ITGA8: variants seen among roughly 807,000 people sequenced by gnomAD.
ITGA8 encodes the protein integrin alpha-8.
In ITGA8, 91 loss-of-function variants were observed where a neutral mutation model predicts 142.3. The observed-to-expected ratio is 0.64, with a 90% CI of 0.54 to 0.76. The LOEUF (loss-of-function observed/expected upper bound fraction) is 0.76, where lower values mean the gene tolerates loss of function less well. Ranked by LOEUF, ITGA8 falls within the 30% of genes least tolerant of loss-of-function variation. The probability of loss-of-function intolerance (pLI) is 0.00; values close to 1 mark genes in which losing one functional copy is unlikely to be tolerated. For synonymous variants in ITGA8, 505 were observed against 485.2 expected (o/e 1.04, Z -0.54); for missense variants, 1,406 against 1,327.7 (o/e 1.06, Z -0.92).
intron 26 of ITGA8, among the ~76,000 whole-genome samples, chr10:15,550,138 G>C (rs911413514): frequency 2.3e-4 from 35 of 152,108 alleles, no homozygotes; most frequent in African/African-American, 7.7e-4. Flanking sequence ...CTTTATAAGG[G>C]GTTTCCTCTT....
intron 3 of ITGA8, among the ~76,000 whole-genome samples, chr10:15,686,824 T>A (rs917183862): frequency 6.6e-6 from 1 of 152,198 alleles, no homozygotes; most frequent in Non-Finnish European, 1.5e-5. Flanking sequence ...ACACGGTGTA[T>A]TATTGTAGTT....
At chr10:15,583,785 T>C (rs1834460305) in intron 23 of ITGA8, among the ~76,000 whole-genome samples, 1 of 152,176 alleles carries the variant, frequency 6.6e-6, no homozygotes. Flanking sequence ...GTTCTTTTGA[T>C]GTCATAACTT....
intron 12 of ITGA8, among the ~76,000 whole-genome samples, chr10:15,644,717 A>T (rs55874753): frequency 5.0e-4 from 76 of 151,504 alleles, no homozygotes; most frequent in African/African-American, 1.8e-3. Context: ...TAAAGGGCTT[A>T]TAATGTTTTC....
intron 22 of ITGA8, among the ~76,000 whole-genome samples, chr10:15,589,764 A>ATTTTTTT: frequency 7.3e-6 from 1 of 137,608 alleles, no homozygotes; most frequent in South Asian, 2.3e-4. Flanking sequence ...CAAACGCTGT[A>ATTTTTTT]TTTTTTTTTT....
intron 26 of ITGA8, among the ~76,000 whole-genome samples, chr10:15,550,347 G>A (rs1250127473): frequency 6.6e-6 from 1 of 152,164 alleles, no homozygotes; most frequent in Non-Finnish European, 1.5e-5. Context: ...AGCAGGAACA[G>A]GAATTCTCAA....
At chr10:15,632,287 G>A (rs758221514) in intron 13 of ITGA8, among the ~76,000 whole-genome samples, 5 of 152,182 alleles carry the variant, frequency 3.3e-5, no homozygotes, top group Non-Finnish European at 7.3e-5. Context: ...AAATAAGGCA[G>A]ATGGAGGTAC....
At chr10:15,545,044 C>G (rs1026193481) in intron 27 of ITGA8, among the ~76,000 whole-genome samples, 1 of 152,142 alleles carries the variant, frequency 6.6e-6, no homozygotes, top group African/African-American at 2.4e-5. Context: ...CCAGAATCAC[C>G]CAGCTAAACC....
chr10:15,571,416 T>C (rs571036922), intron 25 of ITGA8, among the ~76,000 whole-genome samples: 1 of 152,352 alleles, frequency 6.6e-6, no homozygotes, highest in Non-Finnish European at 1.5e-5. Flanking sequence ...AATATCTGAC[T>C]ACAAGATGTT....
At chr10:15,598,297 C>A (rs1226344867) in intron 20 of ITGA8, among the ~76,000 whole-genome samples, 1 of 152,080 alleles carries the variant, frequency 6.6e-6, no homozygotes, top group Admixed American at 6.5e-5. Context: ...AATATAATGA[C>A]CATTTATCCA....
chr10:15,638,377 G>A (rs1833809913), intron 13 of ITGA8, among the ~76,000 whole-genome samples: 1 of 152,208 alleles, frequency 6.6e-6, no homozygotes, highest in Non-Finnish European at 1.5e-5. Context: ...ACGTAAGAGT[G>A]TTTGCTACTA....
intron 6 of ITGA8, 137 bp downstream of exon 6, chr10:15,677,455 A>G: frequency 1.5e-6 from 1 of 660,666 alleles, no homozygotes; most frequent in South Asian, 2.5e-5. Flanking sequence ...AAAAAAAGAA[A>G]TAACGCTTCA....
At chr10:15,687,493 G>A (rs927236909) in intron 3 of ITGA8, among the ~76,000 whole-genome samples, 12 of 152,134 alleles carry the variant, frequency 7.9e-5, no homozygotes, top group Admixed American at 5.2e-4. Flanking sequence ...AGAGAATCAT[G>A]CAGTTAGCCG....
chr10:15,607,980 A>G, intron 16 of ITGA8, 149 bp from the exon 17 acceptor site: 2 of 695,960 alleles, frequency 2.9e-6, no homozygotes, highest in Admixed American at 2.9e-5. Flanking sequence ...GAAAAATTGT[A>G]TAACATACTC....
intron 20 of ITGA8, among the ~76,000 whole-genome samples, chr10:15,600,571 GT>G (rs1475689431): frequency 6.6e-6 from 1 of 152,212 alleles, no homozygotes; most frequent in South Asian, 2.1e-4. Context: ...GAAGAGGTGA[GT>G]GGGGGTGATA....
chr10:15,688,830 T>G (rs2131709002), intron 2 of ITGA8, among the ~76,000 whole-genome samples: 1 of 152,240 alleles, frequency 6.6e-6, no homozygotes, highest in South Asian at 2.1e-4. Flanking sequence ...TAAAAGTTAG[T>G]TATAGAGGGA....
chr10:15,636,416 T>C (rs1833772875), intron 13 of ITGA8, among the ~76,000 whole-genome samples: 1 of 152,210 alleles, frequency 6.6e-6, no homozygotes, highest in African/African-American at 2.4e-5. Context: ...TACTTATGAC[T>C]CTATGTAGTG....
chr10:15,613,772 G>A lies in ITGA8; in HGVS notation c.1446-5C>T, dbSNP rs201796039. The A allele has an allele frequency of 9.7e-5, 156 of 1,601,616 alleles. No individual in the cohort carries two copies. The highest frequency in any genetic ancestry group is 1.3e-4 in the African/African-American group (10 of 74,760). On this transcript the variant is annotated splice_region_variant and splice_polypyrimidine_tract_variant and intron_variant, in intron 14 of 29. Transcript: ENST00000378076. ...ACAGTCACAACCGGTCTTGCTCTGC[G>A]GGGAGAAAATGCAGGGTTTGTTTAA...
intron 25 of ITGA8, among the ~76,000 whole-genome samples, chr10:15,560,852 T>G (rs1317158994): frequency 6.6e-6 from 1 of 152,108 alleles, no homozygotes. Flanking sequence ...GAAGTTTTGC[T>G]TATTTCTTTT....
chr10:15,715,465 G>A (rs183167902), intron 2 of ITGA8, among the ~76,000 whole-genome samples: 3 of 152,278 alleles, frequency 2.0e-5, no homozygotes, highest in Non-Finnish European at 4.4e-5. Context: ...AAGGTGAGGG[G>A]AACAAGCAGG....
Sources: gnomAD v4.1 joint callset for allele counts (sites outside exome capture counted in the v4.1 genomes callset) on GRCh38, gnomAD v4.1.1 for gene constraint, MANE v1.5 for transcripts, NCBI Gene and HGNC (gene_info 2026-07-23, HGNC 2026-07-21) for gene names.